USP39: variants seen among roughly 807,000 people sequenced by gnomAD.
USP39 encodes ubiquitin specific peptidase 39, also known as ubiquitin carboxyl-terminal hydrolase 39.
USP39 carries 38 observed loss-of-function variants against 66.4 expected under a neutral mutation model. The observed-to-expected ratio is 0.57, with a 90% CI of 0.44 to 0.75. USP39 has a LOEUF of 0.75. Ranked by LOEUF, USP39 falls within the 30% of genes least tolerant of loss-of-function variation. The pLI is 0.00. For missense variants in USP39, 608 were observed against 714.4 expected (o/e 0.85, Z 1.70); for synonymous variants, 303 against 274.6 (o/e 1.10, Z -1.02).
chr2:85,626,861 G>A (rs1251113636), intron 5 of USP39, among the ~76,000 whole-genome samples: 3 of 151,632 alleles, frequency 2.0e-5, no homozygotes, highest in African/African-American at 7.3e-5. Flanking sequence ...GGGATTACAG[G>A]CGCCTGCCAC....
At chr2:85,611,991 C>T, upstream of USP39, 1 of 1,520,400 alleles carries the variant, frequency 6.6e-7, no homozygotes. Context: ...CCATCAGGAG[C>T]CGGGGACGCA....
intron 5 of USP39, 32 bp from the exon 6 acceptor site, chr2:85,630,689 G>C: frequency 6.2e-7 from 1 of 1,604,970 alleles, no homozygotes; most frequent in Non-Finnish European, 8.5e-7. Context: ...CTACAAAGGG[G>C]CTTTGGGTTA....
At position 85,643,669 on chromosome 2, in the gene USP39, A is replaced by G. The variant is rs1676425414; in HGVS notation, c.1428-1279A>G. On this transcript the variant is annotated intron_variant, in intron 10 of 12. Transcript: ENST00000323701. ...TCTCCTTTTTTTTTTTTTTTTGGAGATGGAGTCTCGCTCTGTTGCCCAGGC... is the reference window on the plus strand; with the variant it reads ...TCTCCTTTTTTTTTTTTTTTTGGAGGTGGAGTCTCGCTCTGTTGCCCAGGC... Among the ~76,000 whole-genome samples, 3 of 138,306 alleles carry G rather than the reference A, an allele frequency of 2.2e-5. No homozygotes were observed. In the South Asian group the frequency reaches 7.1e-4, roughly 33 times the overall value. The allele number at this position is 138,306 out of a possible 152,430, so 90.7% of individuals were successfully genotyped here.
chr2:85,628,830 G>A lies in USP39; in HGVS notation c.724-1891G>A, dbSNP rs140025098. Among the ~76,000 whole-genome samples, 276 of 152,092 alleles carry A rather than the reference G, an allele frequency of 1.8e-3. 3 individuals carry two copies. In the South Asian group the frequency reaches 0.021, roughly 11 times the overall value. ...TTTCTTTAGCTGAGCTTAGCTTGTC[G>A]GGGCTTTCCTAATCCCCTCTGTGGT... On this transcript the variant is annotated intron_variant, in intron 5 of 12. Coordinates refer to ENST00000323701, the MANE Select transcript of USP39 (RefSeq NM_006590.4).
chr2:85,635,128 GAA>G (rs531197950), intron 6 of USP39, among the ~76,000 whole-genome samples: 100 of 152,306 alleles, frequency 6.6e-4, no homozygotes, highest in African/African-American at 2.3e-3. Flanking sequence ...GGAATAAAAA[GAA>G]AATCATTCTA....
At position 85,648,913 on chromosome 2, in the gene USP39, A is replaced by T. The variant is rs955700326; in HGVS notation, c.*105A>T. The T allele has an allele frequency of 2.9e-6, 4 of 1,399,370 alleles. No individual in the cohort carries two copies. In the East Asian group the frequency reaches 9.1e-5, roughly 32 times the overall value. The allele number at this position is 1,399,370 out of a possible 1,614,324, so 86.7% of individuals were successfully genotyped here. On this transcript the variant is annotated 3_prime_UTR_variant, in exon 13 of 13. Transcript: ENST00000323701. ...GGCTGGCTGGTGGGCTTCCTAGGCCAGCCCAGCTTGTATGGGTTCTGGCTA... is the reference window on the plus strand; with the variant it reads ...GGCTGGCTGGTGGGCTTCCTAGGCCTGCCCAGCTTGTATGGGTTCTGGCTA...
chr2:85,616,281 A>G lies in USP39; in HGVS notation c.86A>G (p.Lys29Arg), dbSNP rs1195534786. 6.4e-6 allele frequency: 10 copies of G among 1,557,502 alleles called. No homozygotes were observed. The highest frequency in any genetic ancestry group is 8.7e-6 in the Non-Finnish European group (10 of 1,149,852). The change falls in exon 1 of 13, where the codon AAG becomes AGG. Residue 29 changes from lysine (K) to arginine (R), a missense_variant. This residue lies in a region of USP39 where 207 missense variants were observed against 145.7 expected (regional missense o/e 1.42). Transcript: ENST00000323701. ...SESRGSSGRV[K>R]RERDREREPE... ...TCGCGGGGCAGCTCCGGTCGCGTCA[A>G]GCGGGAGCGAGATCGGGAGCGGGAG... is the stretch of plus-strand genomic sequence containing the variant.
At chr2:85,605,308 C>A (rs1272674907) in intron 1 of USP39, among the ~76,000 whole-genome samples, 1 of 152,120 alleles carries the variant, frequency 6.6e-6, no homozygotes, top group Admixed American at 6.5e-5. Context: ...TTGAAAAGTA[C>A]CTTCCTTCTG....
chr2:85,630,965 T>C lies in USP39; in HGVS notation c.949+19T>C. The stretch of plus-strand genomic sequence containing the variant: ...AAACAAGGTAAGAACAAGTCATTCA[T>C]GTTTCAGGACAACAAAACTAGTTTG... On this transcript the variant is annotated intron_variant, in intron 6 of 12. Transcript: ENST00000323701. The C allele has an allele frequency of 6.2e-7, 1 of 1,606,678 alleles. No homozygotes were observed. The highest frequency in any genetic ancestry group is 8.5e-7 in the Non-Finnish European group (1 of 1,175,880).
intron 2 of USP39, 166 bp from the exon 3 acceptor site, chr2:85,621,319 G>T: frequency 3.4e-6 from 2 of 582,206 alleles, no homozygotes; most frequent in Non-Finnish European, 6.2e-6. Context: ...GGAGCATGGC[G>T]GGTGGAGGTG....
chr2:85,613,487 C>T (rs879794089), upstream of USP39, among the ~76,000 whole-genome samples: 4 of 151,928 alleles, frequency 2.6e-5, no homozygotes, highest in Non-Finnish European at 5.9e-5. Flanking sequence ...AGTCCAACCT[C>T]CAAATCAAAA....
chr2:85,636,520 A>C (rs927930932), intron 7 of USP39, among the ~76,000 whole-genome samples: 1 of 151,982 alleles, frequency 6.6e-6, no homozygotes, highest in Non-Finnish European at 1.5e-5. Flanking sequence ...TTATATATAT[A>C]TTTTGAGACA....
chr2:85,620,300 A>G (rs938658210), intron 2 of USP39, among the ~76,000 whole-genome samples: 1 of 151,942 alleles, frequency 6.6e-6, no homozygotes, highest in African/African-American at 2.4e-5. Flanking sequence ...GCAGCATGGC[A>G]AAACTTCAGC....
In USP39 at chr2:85,616,216, G is replaced by C; in HGVS notation, c.21G>C (p.Arg7=). 1 of 1,466,218 alleles carries C rather than the reference G, an allele frequency of 6.8e-7. No individual in the cohort carries two copies. The highest frequency in any genetic ancestry group is 9.1e-7 in the Non-Finnish European group (1 of 1,102,304). 90.8% of individuals were successfully genotyped at this position (1,466,218 alleles called of 1,614,324 possible). A position where few individuals can be genotyped will look rare whatever the true frequency, so the allele number is the denominator to read the frequency against. The change falls in exon 1 of 13, where the codon CGG becomes CGC. Residue 7 remains arginine (R), a synonymous_variant. Coordinates refer to ENST00000323701, the MANE Select transcript of USP39 (RefSeq NM_006590.4). MSGRSK[R]ESRGSTRGKR... ...TGGAGATGTCCGGCCGGTCTAAGCG[G>C]GAGTCTCGCGGTTCCACTCGCGGGA... is the stretch of plus-strand genomic sequence containing the variant.
Position 85,623,735 on chromosome 2 carries a change from C to T in USP39, c.523C>T (p.Leu175Phe). The change falls in exon 4 of 13, where the codon CTT (leucine) becomes TTT (phenylalanine). Residue 175 changes from leucine to phenylalanine, a missense_variant. By Grantham distance (22) the Leu-to-Phe change is conservative. Coordinates refer to ENST00000323701, the MANE Select transcript of USP39 (RefSeq NM_006590.4). ...CCTCCACACCCTCAAGTTTTACTGC[C>T]TTCCAGACAACTATGAGATCATCGA... Reference protein sequence around the residue: ...LNLHTLKFYCLPDNYEIIDSS... With the variant: ...LNLHTLKFYCFPDNYEIIDSS... The T allele has an allele frequency of 6.2e-7, 1 of 1,613,956 alleles. No individual in the cohort carries two copies. The highest frequency in any genetic ancestry group is 8.5e-7 in the Non-Finnish European group (1 of 1,179,960).
At chr2:85,616,535 T>G in intron 1 of USP39, 72 bp downstream of exon 1, 1 of 626,712 alleles carries the variant, frequency 1.6e-6, no homozygotes, top group Non-Finnish European at 2.1e-6. Context: ...TCTCTAATCT[T>G]CCGCTAGGTC....
intron 2 of USP39, 84 bp from the exon 3 acceptor site, chr2:85,621,401 A>G: frequency 1.8e-6 from 2 of 1,140,342 alleles, no homozygotes; most frequent in South Asian, 2.5e-5. Flanking sequence ...ATGTGGTATC[A>G]TGGGTCACAG....
At chr2:85,607,103 T>C (rs1323823270), upstream of USP39, 2 of 152,254 alleles carry the variant, frequency 1.3e-5, no homozygotes, top group East Asian at 3.9e-4. Flanking sequence ...GCCCCCAAAC[T>C]CCTCTTCTAG....
chr2:85,609,556 T>C (rs746759997), upstream of USP39: 3 of 1,614,190 alleles, frequency 1.9e-6, no homozygotes, highest in African/African-American at 1.3e-5. Flanking sequence ...GGACTCTTCA[T>C]AGTCTGGGTT....
Sources: gnomAD v4.1 joint callset for allele counts (sites outside exome capture counted in the v4.1 genomes callset) on GRCh38, gnomAD v4.1.1 for gene constraint, gnomAD v4.1.1 regional missense constraint, MANE v1.5 for transcripts, NCBI Gene and HGNC (gene_info 2026-07-23, HGNC 2026-07-21) for gene names.